Variants in CD200 observed in about 807,000 individuals in gnomAD.
The protein encoded by CD200 is OX-2 membrane glycoprotein.
A neutral mutation model predicts 30.9 loss-of-function variants in CD200; 15 were observed. That is an observed-to-expected ratio of 0.49 (90% CI 0.32 to 0.75). The LOEUF (loss-of-function observed/expected upper bound fraction) is 0.75. Ranked by LOEUF, CD200 falls within the 30% of genes least tolerant of loss-of-function variation. CD200 has a pLI of 0.03. For missense variants in CD200, 262 were observed against 324.2 expected (o/e 0.81, Z 1.47); for synonymous variants, 134 against 126.2 (o/e 1.06, Z -0.41).
chr3:112,349,670 C>A, intron 4 of CD200, 42 bp from the exon 5 acceptor site: 1 of 1,565,920 alleles, frequency 6.4e-7, no homozygotes, highest in South Asian at 1.2e-5. Context: ...ACAATTTCCT[C>A]ATGTGATGTC....
chr3:112,357,271 A>AGAAAG (rs1553720697), intron 5 of CD200, among the ~76,000 whole-genome samples: 9 of 139,740 alleles, frequency 6.4e-5, no homozygotes, highest in African/African-American at 2.2e-4. Context: ...AAAAAAAAAA[A>AGAAAG]AAAGAAAGAA....
chr3:112,342,417 CTTTCTTTCTTTCT>C (rs1576596337), intron 2 of CD200, among the ~76,000 whole-genome samples: 17 of 70,384 alleles, frequency 2.4e-4, no homozygotes, highest in Middle Eastern at 6.9e-3. Flanking sequence ...TTCTTTCTTT[CTTTCTTTCTTTCT>C]TCTCTCTCTT....
chr3:112,360,366 T>A (rs1205918909), intron 5 of CD200, among the ~76,000 whole-genome samples: 1 of 151,732 alleles, frequency 6.6e-6, no homozygotes, highest in Non-Finnish European at 1.5e-5. Context: ...TTTAGAGCAG[T>A]GTTACTCCCA....
intron 3 of CD200, among the ~76,000 whole-genome samples, chr3:112,345,589 T>C (rs1366600301): frequency 3.9e-5 from 6 of 152,328 alleles, no homozygotes; most frequent in Non-Finnish European, 1.5e-5. Flanking sequence ...GACCTGGCTT[T>C]GCCACTAGCA....
chr3:112,344,445 A>G (rs559841066), intron 2 of CD200, among the ~76,000 whole-genome samples: 12 of 152,294 alleles, frequency 7.9e-5, no homozygotes, highest in African/African-American at 2.2e-4. Context: ...CTATGTTCCT[A>G]TATACACTCT....
intron 5 of CD200, 83 bp downstream of exon 5, chr3:112,349,902 A>T (rs532731881): frequency 1.1e-5 from 16 of 1,435,996 alleles, no homozygotes; most frequent in Middle Eastern, 1.9e-4. Flanking sequence ...TGAAGATATA[A>T]ATAAGGGAAT....
At chr3:112,335,216 A>G (rs2081085605) in intron 1 of CD200, among the ~76,000 whole-genome samples, 1 of 152,166 alleles carries the variant, frequency 6.6e-6, no homozygotes, top group Admixed American at 6.5e-5. Flanking sequence ...TTTCACTTCA[A>G]AACCAAAGCC....
chr3:112,336,906 G>A (rs1230774298), intron 1 of CD200, among the ~76,000 whole-genome samples: 1 of 152,134 alleles, frequency 6.6e-6, no homozygotes, highest in Non-Finnish European at 1.5e-5. Context: ...AATGAAACAA[G>A]CAGACAATGT....
upstream of CD200, chr3:112,332,943 C>G: frequency 1.9e-6 from 1 of 530,702 alleles, no homozygotes; most frequent in Non-Finnish European, 3.3e-6. Flanking sequence ...TTTCCAAACA[C>G]TTTGTCAGTT....
At chr3:112,355,204 G>C (rs536309876) in intron 5 of CD200, among the ~76,000 whole-genome samples, 29 of 152,248 alleles carry the variant, frequency 1.9e-4, no homozygotes, top group African/African-American at 6.7e-4. Context: ...TTCTCTCTCT[G>C]TAATTCCATA....
In CD200 at chr3:112,361,729, C is replaced by A; in HGVS notation, c.*179C>A. The A allele has an allele frequency of 1.5e-6, 1 of 670,050 alleles. No individual in the cohort carries two copies. The highest frequency in any genetic ancestry group is 2.5e-5 in the Admixed American group (1 of 39,900). 41.5% of individuals were successfully genotyped at this position (670,050 alleles called of 1,614,324 possible). On this transcript the variant is annotated 3_prime_UTR_variant, in exon 6 of 6. Coordinates refer to ENST00000315711, the MANE Select transcript of CD200 (RefSeq NM_005944.7). ...ATCTGAGCTACTCAGTGTTTGAATCCCAAGAGGAAGTCAGTTTACCTCTCA... is the reference window on the plus strand; with the variant it reads ...ATCTGAGCTACTCAGTGTTTGAATCACAAGAGGAAGTCAGTTTACCTCTCA...
At chr3:112,357,190 A>C (rs1234895804) in intron 5 of CD200, among the ~76,000 whole-genome samples, 2 of 149,280 alleles carry the variant, frequency 1.3e-5, no homozygotes, top group African/African-American at 2.5e-5. Context: ...GAACCCGGAA[A>C]GCGGAGCTTG....
intron 5 of CD200, among the ~76,000 whole-genome samples, chr3:112,354,011 C>T (rs2081584261): frequency 6.6e-6 from 1 of 152,144 alleles, no homozygotes; most frequent in African/African-American, 2.4e-5. Flanking sequence ...AAAAATTTTA[C>T]AAATTTTGGG....
chr3:112,343,980 C>T (rs2081326669), intron 2 of CD200, among the ~76,000 whole-genome samples: 1 of 152,094 alleles, frequency 6.6e-6, no homozygotes, highest in African/African-American at 2.4e-5. Flanking sequence ...AGAATAATTT[C>T]ATGGCCTGTT....
intron 4 of CD200, 63 bp from the exon 5 acceptor site, chr3:112,349,648 CT>C: frequency 2.9e-6 from 4 of 1,399,490 alleles, no homozygotes; most frequent in East Asian, 2.4e-5. Context: ...AAGCTCAACT[CT>C]TTTTGCCTCA....
chr3:112,344,726 A>G (rs914974662), intron 2 of CD200, among the ~76,000 whole-genome samples: 1 of 152,208 alleles, frequency 6.6e-6, no homozygotes, highest in Non-Finnish European at 1.5e-5. Flanking sequence ...ATTTCTTGTA[A>G]CTGAGAGTTG....
intron 1 of CD200, among the ~76,000 whole-genome samples, chr3:112,335,667 C>T (rs2081098227): frequency 6.7e-6 from 1 of 148,886 alleles, no homozygotes; most frequent in Admixed American, 6.6e-5. Flanking sequence ...GGCGGCGAGA[C>T]ATCATTCCTT....
At chr3:112,343,211 A>G (rs2081307917) in intron 2 of CD200, among the ~76,000 whole-genome samples, 1 of 151,958 alleles carries the variant, frequency 6.6e-6, no homozygotes, top group African/African-American at 2.4e-5. Flanking sequence ...AGAGATCTAC[A>G]TACATATAAA....
intron 4 of CD200, 121 bp from the exon 5 acceptor site, chr3:112,349,591 T>G (rs992324783): frequency 3.5e-6 from 2 of 566,934 alleles, no homozygotes; most frequent in Non-Finnish European, 5.7e-6. Flanking sequence ...TATGAAGTCA[T>G]ACGTATAAAC....
Sources: allele counts gnomAD v4.1 joint callset (sites outside exome capture counted in the v4.1 genomes callset), GRCh38; gene constraint gnomAD v4.1.1; transcripts MANE v1.5; gene names NCBI Gene and HGNC (gene_info 2026-07-23, HGNC 2026-07-21).